The following KCTD8 variants were observed in gnomAD, a reference collection of about 807,000 sequenced individuals.
The protein encoded by KCTD8 is BTB/POZ domain-containing protein KCTD8.
A neutral mutation model predicts 31.5 loss-of-function variants in KCTD8; 27 were observed. The ratio of observed to expected loss-of-function variants is 0.86; its 90% CI spans 0.63 to 1.18. The LOEUF (loss-of-function observed/expected upper bound fraction) is 1.18. KCTD8 is among the 50% of genes most tolerant of loss of function. The pLI, the probability that KCTD8 is intolerant of heterozygous loss-of-function variation, is 0.00. For synonymous variants in KCTD8, 290 were observed against 280.0 expected, an observed-to-expected ratio of 1.04 and a Z score of -0.36; for missense variants, 658 against 647.7, an observed-to-expected ratio of 1.02 and a Z score of -0.17.
At chr4:44,215,778 T>C (rs1714630004) in intron 1 of KCTD8, among the ~76,000 whole-genome samples, 1 of 150,534 alleles carries the variant, frequency 6.6e-6, no homozygotes, top group South Asian at 2.1e-4. Flanking sequence ...AGGGGACCAA[T>C]GTTAACCTGT....
intron 1 of KCTD8, among the ~76,000 whole-genome samples, chr4:44,212,254 T>TA (rs1560396092): frequency 1.3e-5 from 2 of 152,226 alleles, no homozygotes; most frequent in Non-Finnish European, 2.9e-5. Flanking sequence ...GTACCAATGC[T>TA]AATTTCCCAG....
At chr4:44,251,462 C>T (rs1439735994) in intron 1 of KCTD8, among the ~76,000 whole-genome samples, 1 of 151,608 alleles carries the variant, frequency 6.6e-6, no homozygotes, top group African/African-American at 2.4e-5. Flanking sequence ...TTGTAAATCT[C>T]TCAACTTATT....
intron 1 of KCTD8, among the ~76,000 whole-genome samples, chr4:44,351,588 G>T (rs1323037013): frequency 6.6e-6 from 1 of 152,102 alleles, no homozygotes; most frequent in Non-Finnish European, 1.5e-5. Context: ...CATCTCTGTG[G>T]AGATGTCTGA....
chr4:44,260,824 A>T (rs1290252255), intron 1 of KCTD8, among the ~76,000 whole-genome samples: 3 of 151,998 alleles, frequency 2.0e-5, no homozygotes, highest in African/African-American at 4.8e-5. Flanking sequence ...GATGGAAATC[A>T]TTGGAAAGTT....
At position 44,401,805 on chromosome 4, in the gene KCTD8, A is replaced by G. The variant is rs374417403; in HGVS notation, c.961+45758T>C. On this transcript the variant is annotated intron_variant, in intron 1 of 1. Coordinates refer to ENST00000360029, the MANE Select transcript of KCTD8 (RefSeq NM_198353.3). ...CTGCTTCTCTTATTCTCTTATTCTC[A>G]TTCCTTAATACTTTCTCTAAGCCTC... is the stretch of plus-strand genomic sequence containing the variant. 1.8e-3 allele frequency among the ~76,000 whole-genome samples: 275 copies of G among 152,276 alleles called. 9 individuals are homozygous for G. The South Asian group carries it at 0.055, about 30-fold the overall frequency.
At chr4:44,408,010 T>C (rs1429215060) in intron 1 of KCTD8, among the ~76,000 whole-genome samples, 2 of 152,166 alleles carry the variant, frequency 1.3e-5, no homozygotes, top group Non-Finnish European at 2.9e-5. Context: ...TCTCTGACAC[T>C]TTTCGTTACC....
chr4:44,392,602 G>A (rs1264051581), intron 1 of KCTD8, among the ~76,000 whole-genome samples: 1 of 151,920 alleles, frequency 6.6e-6, no homozygotes, highest in East Asian at 1.9e-4. Flanking sequence ...GGCCCTATTA[G>A]TCTGATTCAC....
At chr4:44,243,294 T>C (rs1646632391) in intron 1 of KCTD8, among the ~76,000 whole-genome samples, 1 of 152,256 alleles carries the variant, frequency 6.6e-6, no homozygotes, top group African/African-American at 2.4e-5. Flanking sequence ...CCATGTGTTC[T>C]GACAAGGTTA....
At chr4:44,369,876 T>C (rs961173656) in intron 1 of KCTD8, among the ~76,000 whole-genome samples, 4 of 152,204 alleles carry the variant, frequency 2.6e-5, no homozygotes, top group African/African-American at 9.7e-5. Flanking sequence ...CTGGCATTTC[T>C]TTCCTGAGCA....
At chr4:44,388,531 G>A (rs1720283024) in intron 1 of KCTD8, among the ~76,000 whole-genome samples, 1 of 151,756 alleles carries the variant, frequency 6.6e-6, no homozygotes, top group Non-Finnish European at 1.5e-5. Flanking sequence ...GCTATAAAAA[G>A]CAATGAGATC....
At chr4:44,347,409 A>G (rs1454517700) in intron 1 of KCTD8, among the ~76,000 whole-genome samples, 1 of 152,184 alleles carries the variant, frequency 6.6e-6, no homozygotes, top group Non-Finnish European at 1.5e-5. Flanking sequence ...CTAAATCACT[A>G]GGATAAGAGT....
intron 1 of KCTD8, among the ~76,000 whole-genome samples, chr4:44,359,758 T>C (rs1456910752): frequency 1.3e-5 from 2 of 152,112 alleles, no homozygotes; most frequent in African/African-American, 4.8e-5. Flanking sequence ...CAGACCATTC[T>C]GAATAAGTTT....
At chr4:44,242,354 G>A (rs1055019668) in intron 1 of KCTD8, among the ~76,000 whole-genome samples, 12 of 152,082 alleles carry the variant, frequency 7.9e-5, no homozygotes, top group Non-Finnish European at 1.3e-4. Flanking sequence ...CGACGCAGGC[G>A]GATCACGAGG....
intron 1 of KCTD8, among the ~76,000 whole-genome samples, chr4:44,380,980 A>T (rs953513677): frequency 6.6e-6 from 1 of 152,074 alleles, no homozygotes; most frequent in Non-Finnish European, 1.5e-5. Context: ...TATAATTAAA[A>T]TGTCATAAAC....
chr4:44,353,245 A>T (rs1719258516), intron 1 of KCTD8, among the ~76,000 whole-genome samples: 1 of 152,142 alleles, frequency 6.6e-6, no homozygotes. Context: ...TTTGGTCAAC[A>T]TAAAAGTACT....
At chr4:44,351,259 G>A (rs1719186672) in intron 1 of KCTD8, among the ~76,000 whole-genome samples, 1 of 152,104 alleles carries the variant, frequency 6.6e-6, no homozygotes, top group Non-Finnish European at 1.5e-5. Flanking sequence ...GCTCCTGGCT[G>A]TCTAAATAAT....
chr4:44,431,447 C>A (rs955406488), intron 1 of KCTD8, among the ~76,000 whole-genome samples: 3 of 151,414 alleles, frequency 2.0e-5, no homozygotes, highest in African/African-American at 7.3e-5. Context: ...AGGATGATAT[C>A]TATGATACAA....
intron 1 of KCTD8, among the ~76,000 whole-genome samples, chr4:44,207,445 C>G (rs1714347780): frequency 1.3e-5 from 2 of 152,088 alleles, no homozygotes; most frequent in Non-Finnish European, 2.9e-5. Context: ...TCTCCCTTTA[C>G]CCCATTATAA....
At chr4:44,382,399 G>A (rs549524450) in intron 1 of KCTD8, among the ~76,000 whole-genome samples, 7 of 152,068 alleles carry the variant, frequency 4.6e-5, no homozygotes, top group South Asian at 2.1e-4. Flanking sequence ...ACATCATACC[G>A]AATGGGGAAA....
Sources: allele counts gnomAD v4.1 joint callset (sites outside exome capture counted in the v4.1 genomes callset), GRCh38; gene constraint gnomAD v4.1.1; transcripts MANE v1.5; gene names NCBI Gene and HGNC (gene_info 2026-07-23, HGNC 2026-07-21).